TMEM232: variants seen among roughly 807,000 people sequenced by gnomAD.
The protein encoded by TMEM232 is transmembrane protein 232.
A neutral mutation model predicts 78.8 loss-of-function variants in TMEM232; 80 were observed. The observed-to-expected ratio is 1.01, with a 90% CI of 0.85 to 1.22. The LOEUF is 1.22. Among genes scored for constraint, TMEM232 ranks in the 50% most tolerant of loss-of-function variants. The probability of loss-of-function intolerance (pLI) is 0.00; values close to 1 mark genes in which losing one functional copy is unlikely to be tolerated. For missense variants in TMEM232, 881 were observed against 742.2 expected (o/e 1.19, Z -2.17); for synonymous variants, 297 against 254.3 (o/e 1.17, Z -1.60).
In TMEM232 at chr5:110,568,732, T is replaced by G. The variant is rs142170822; in HGVS notation, c.1277-107A>C. Reference sequence around the variant, plus strand: ...ATTTTACTATAATTCATAATAATATTCTAAAGTCTGAAATTCTAAGCTGTG... The same window carrying G: ...ATTTTACTATAATTCATAATAATATGCTAAAGTCTGAAATTCTAAGCTGTG... On this transcript the variant is annotated intron_variant, in intron 10 of 13. Transcript: ENST00000455884. 3.2e-5 allele frequency: 36 copies of G among 1,138,020 alleles called. No individual in the cohort carries two copies. The African/African-American group carries it at 4.9e-4, about 15-fold the overall frequency. 70.5% of individuals were successfully genotyped at this position (1,138,020 alleles called of 1,614,324 possible).
At chr5:110,395,578 C>T (rs1345296384) in intron 3 of TMEM232, among the ~76,000 whole-genome samples, 1 of 152,116 alleles carries the variant, frequency 6.6e-6, no homozygotes, top group African/African-American at 2.4e-5. Context: ...TCCAAGAAAA[C>T]TTACAAATTT....
chr5:110,413,487 C>A (rs528218531), intron 2 of TMEM232, among the ~76,000 whole-genome samples: 19 of 152,272 alleles, frequency 1.2e-4, no homozygotes, highest in African/African-American at 4.6e-4. Context: ...TAATAAACTC[C>A]CTTTCATATA....
At chr5:110,483,974 C>T (rs1344650467) in intron 12 of TMEM232, among the ~76,000 whole-genome samples, 1 of 152,120 alleles carries the variant, frequency 6.6e-6, no homozygotes, top group Non-Finnish European at 1.5e-5. Flanking sequence ...GAATACTATG[C>T]AACTATAATA....
chr5:110,671,825 C>G (rs1221665607), intron 1 of TMEM232, among the ~76,000 whole-genome samples: 1 of 152,068 alleles, frequency 6.6e-6, no homozygotes, highest in Non-Finnish European at 1.5e-5. Context: ...AGCAAACCAC[C>G]ATGGCATGTA....
chr5:110,568,767 G>T, intron 10 of TMEM232, 142 bp from the exon 11 acceptor site: 1 of 783,174 alleles, frequency 1.3e-6, no homozygotes, highest in Non-Finnish European at 1.9e-6. Context: ...GGAAATTTCT[G>T]ACCCTTCACT....
At chr5:110,500,984 A>G (rs1766206292) in intron 12 of TMEM232, among the ~76,000 whole-genome samples, 1 of 152,188 alleles carries the variant, frequency 6.6e-6, no homozygotes, top group Non-Finnish European at 1.5e-5. Flanking sequence ...AAGATACAAA[A>G]TGATGTGGTT....
At chr5:110,665,777 A>T (rs1790484861) in intron 2 of TMEM232, among the ~76,000 whole-genome samples, 1 of 151,560 alleles carries the variant, frequency 6.6e-6, no homozygotes, top group Non-Finnish European at 1.5e-5. Context: ...AAACTGAGCC[A>T]GGCACAGTGG....
intron 12 of TMEM232, among the ~76,000 whole-genome samples, chr5:110,518,439 G>A (rs2149491879): frequency 6.6e-6 from 1 of 151,832 alleles, no homozygotes; most frequent in African/African-American, 2.4e-5. Context: ...CCAATACCCA[G>A]GCCACTTAGA....
intron 11 of TMEM232, among the ~76,000 whole-genome samples, chr5:110,560,938 T>G (rs1379629675): frequency 6.6e-6 from 1 of 152,180 alleles, no homozygotes; most frequent in Non-Finnish European, 1.5e-5. Flanking sequence ...GCATGTGTAT[T>G]TACCATTTTA....
chr5:110,710,741 T>C (rs1187468828), intron 1 of TMEM232, among the ~76,000 whole-genome samples: 1 of 151,922 alleles, frequency 6.6e-6, no homozygotes, highest in East Asian at 1.9e-4. Context: ...TTGAAAAAAC[T>C]GGGTATAGAA....
At chr5:110,654,795 C>T (rs1359955565) in intron 2 of TMEM232, among the ~76,000 whole-genome samples, 1 of 152,160 alleles carries the variant, frequency 6.6e-6, no homozygotes, top group Admixed American at 6.5e-5. Flanking sequence ...GAATGTTCTT[C>T]CATTTGTTTG....
At chr5:110,733,714 G>GA (rs1340385259) in intron 2 of TMEM232, among the ~76,000 whole-genome samples, 2 of 151,820 alleles carry the variant, frequency 1.3e-5, no homozygotes, top group African/African-American at 2.4e-5. Flanking sequence ...GAGAGGATCA[G>GA]AAAAAAAACC....
chr5:110,674,977 G>T (rs1384085229), intron 1 of TMEM232, among the ~76,000 whole-genome samples: 2 of 151,906 alleles, frequency 1.3e-5, no homozygotes, highest in East Asian at 3.9e-4. Flanking sequence ...AGCTCTGAAT[G>T]GAATAAAACT....
chr5:110,395,603 G>GT (rs1755355493), intron 3 of TMEM232, among the ~76,000 whole-genome samples: 2 of 152,154 alleles, frequency 1.3e-5, no homozygotes, highest in Non-Finnish European at 2.9e-5. Flanking sequence ...ATTGTTTGGT[G>GT]TTTTTGCTGA....
Position 110,438,182 on chromosome 5 carries a change from T to C in TMEM232, c.1704-13266A>G, listed in dbSNP as rs1348520479. ...TTTTCCCTTTTGGGCATTCAGTATT[T>C]TGAGTAAATTCAACTCCAAACCTGC... On this transcript the variant is annotated intron_variant, in intron 12 of 13. Coordinates refer to ENST00000455884, the MANE Select transcript of TMEM232 (RefSeq NM_001039763.4). Among the ~76,000 whole-genome samples, 3 of 122,576 alleles carry C rather than the reference T, an allele frequency of 2.4e-5. No homozygotes were observed. In the East Asian group the frequency reaches 7.2e-4, roughly 29 times the overall value. 80.4% of individuals were successfully genotyped at this position (122,576 alleles called of 152,430 possible).
chr5:110,421,391 T>C (rs916480936), intron 13 of TMEM232, among the ~76,000 whole-genome samples: 1 of 151,876 alleles, frequency 6.6e-6, no homozygotes, highest in African/African-American at 2.4e-5. Flanking sequence ...TAAGTAATGA[T>C]AATCAATCAA....
At chr5:110,576,965 A>G (rs1199635769) in intron 10 of TMEM232, among the ~76,000 whole-genome samples, 1 of 152,080 alleles carries the variant, frequency 6.6e-6, no homozygotes, top group Non-Finnish European at 1.5e-5. Context: ...TATCCAGGAC[A>G]CACACACAAG....
chr5:110,572,412 T>C (rs1448483844), intron 10 of TMEM232, among the ~76,000 whole-genome samples: 1 of 152,052 alleles, frequency 6.6e-6, no homozygotes, highest in Non-Finnish European at 1.5e-5. Flanking sequence ...AATAAGTTTT[T>C]GAACAATATT....
intron 11 of TMEM232, among the ~76,000 whole-genome samples, chr5:110,538,996 C>G (rs1437850878): frequency 6.6e-6 from 1 of 152,178 alleles, no homozygotes; most frequent in Non-Finnish European, 1.5e-5. Context: ...TAGTACCAAA[C>G]TCTCCAATCC....
Sources: gnomAD v4.1 joint callset for allele counts (sites outside exome capture counted in the v4.1 genomes callset) on GRCh38, gnomAD v4.1.1 for gene constraint, MANE v1.5 for transcripts, NCBI Gene and HGNC (gene_info 2026-07-23, HGNC 2026-07-21) for gene names.